The following AP1G1 variants were observed in gnomAD, a reference collection of about 807,000 sequenced individuals.
AP1G1 encodes the protein AP-1 complex subunit gamma-1.
A neutral mutation model predicts 108.3 loss-of-function variants in AP1G1; 7 were observed. The ratio of observed to expected loss-of-function variants is 0.06; its 90% CI spans 0.04 to 0.12. The LOEUF (loss-of-function observed/expected upper bound fraction) is 0.12, where lower values mean the gene tolerates loss of function less well. Ranked by LOEUF, AP1G1 falls within the 10% of genes least tolerant of loss-of-function variation. The pLI is 1.00. For missense variants in AP1G1, 756 were observed against 1,010.7 expected, an observed-to-expected ratio of 0.75 and a Z score of 3.42; for synonymous variants, 379 against 353.5, an observed-to-expected ratio of 1.07 and a Z score of -0.81.
chr16:71,738,866 C>T, intron 21 of AP1G1, 76 bp downstream of exon 21: 1 of 1,327,338 alleles, frequency 7.5e-7, no homozygotes, highest in Non-Finnish European at 1.0e-6. Context: ...AAAACATATC[C>T]TTTACCAAAC....
intron 19 of AP1G1, among the ~76,000 whole-genome samples, chr16:71,740,536 T>C (rs2045606151): frequency 6.6e-6 from 1 of 152,210 alleles, no homozygotes; most frequent in Admixed American, 6.5e-5. Flanking sequence ...TAAACTGATA[T>C]ATTGATATAC....
rs557276675 is a variant in AP1G1 at position 71,745,299 on chromosome 16, T to C, written c.1873-29A>G. Reference sequence around the variant, plus strand: ...AACAAGGTAACAACACCTCAATTCATTATTATTTGATTTGTCTAGTATACA... The same window carrying C: ...AACAAGGTAACAACACCTCAATTCACTATTATTTGATTTGTCTAGTATACA... On this transcript the variant is annotated intron_variant, in intron 18 of 22. Transcript: ENST00000299980. The C allele has an allele frequency of 1.7e-5, 27 of 1,613,342 alleles. No homozygotes were observed. In the Admixed American group the frequency reaches 3.2e-4, roughly 19 times the overall value.
chr16:71,769,056 G>A (rs1206265643), intron 6 of AP1G1, among the ~76,000 whole-genome samples: 3 of 149,974 alleles, frequency 2.0e-5, no homozygotes, highest in Admixed American at 6.6e-5. Context: ...GCTGAGGCGG[G>A]CTGATCACCT....
intron 12 of AP1G1, 198 bp downstream of exon 12, chr16:71,755,821 T>C: frequency 1.8e-6 from 1 of 546,670 alleles, no homozygotes; most frequent in South Asian, 3.0e-5. Context: ...AATTTTTGTA[T>C]TTTTAGTGGC....
rs2030768870 is a variant in AP1G1 at position 71,756,062 on chromosome 16, A to G, written c.1186T>C (p.Phe396Leu). ...LYFLDSCEPE[F>L]KADCASGIFL... is the part of the protein sequence containing the mutation. ...ATTCCAGATGCACAGTCTGCTTTAA[A>G]TTCTGGCTCACACGAATCCAGAAAA... Residue 396 changes from phenylalanine (F) to leucine (L), a missense_variant, in exon 12 of 23, where the codon TTT becomes CTT. By Grantham distance (22) the Phe-to-Leu change is conservative (BLOSUM62 0). This residue lies in a region of AP1G1 where 357 missense variants were observed against 366.5 expected (regional missense o/e 0.97). Coordinates refer to ENST00000299980, the MANE Select transcript of AP1G1 (RefSeq NM_001128.6). The G allele has an allele frequency of 1.2e-6, 2 of 1,613,276 alleles. No individual in the cohort carries two copies. The highest frequency in any genetic ancestry group is 2.7e-5 in the African/African-American group (2 of 74,944).
intron 6 of AP1G1, chr16:71,766,318 A>G (rs942077985): frequency 8.2e-6 from 3 of 364,722 alleles, no homozygotes; most frequent in South Asian, 2.2e-5. Flanking sequence ...ATGAGACTAT[A>G]CATTCCTTAT....
chr16:71,793,664 C>T (rs905726065), intron 1 of AP1G1, among the ~76,000 whole-genome samples: 20 of 152,192 alleles, frequency 1.3e-4, no homozygotes, highest in African/African-American at 4.8e-4. Flanking sequence ...TAAACAGTAC[C>T]ACAATATAGT....
rs187577181 is a variant in AP1G1, at chr16:71,779,592, C to T, written c.202-5000G>A. Among the ~76,000 whole-genome samples, 94 of 152,138 alleles carry T rather than the reference C, an allele frequency of 6.2e-4. 1 individual carries two copies. Among genetic ancestry groups the T allele is most frequent in the Non-Finnish European group, 1.2e-3 (79 of 68,002 alleles). On this transcript the variant is annotated intron_variant, in intron 2 of 22. Coordinates refer to ENST00000299980, the MANE Select transcript of AP1G1 (RefSeq NM_001128.6). ...CTGGCTTCAAGTGATCTGCCCACCTCGCCTCCCAAAGCACTGGTATTACAG... is the reference window on the plus strand; with the variant it reads ...CTGGCTTCAAGTGATCTGCCCACCTTGCCTCCCAAAGCACTGGTATTACAG...
chr16:71,805,995 AAC>A (rs2032984975), intron 1 of AP1G1, among the ~76,000 whole-genome samples: 1 of 151,580 alleles, frequency 6.6e-6, no homozygotes, highest in Admixed American at 6.6e-5. Context: ...CAGCCTGGGC[AAC>A]AGAGTGAGAC....
chr16:71,802,739 AT>A (rs2032850840), intron 1 of AP1G1, among the ~76,000 whole-genome samples: 1 of 151,482 alleles, frequency 6.6e-6, no homozygotes, highest in African/African-American at 2.4e-5. Flanking sequence ...CAAAAAAAAA[AT>A]TCGTACAGCC....
intron 12 of AP1G1, 119 bp downstream of exon 12, chr16:71,755,900 T>A: frequency 8.9e-7 from 1 of 1,117,334 alleles, no homozygotes; most frequent in Non-Finnish European, 1.3e-6. Flanking sequence ...TGCCTTGGCC[T>A]CCCAAACTGC....
chr16:71,739,746 C>CAAAA (rs751174235), intron 19 of AP1G1, among the ~76,000 whole-genome samples: 1 of 51,882 alleles, frequency 1.9e-5, no homozygotes, highest in Non-Finnish European at 4.0e-5. Context: ...GACTCTGTCG[C>CAAAA]AAAAAAAAAA....
In AP1G1 at chr16:71,733,055, C is replaced by A; in HGVS notation, c.*3G>T. 2 of 1,609,096 alleles carry A rather than the reference C, an allele frequency of 1.2e-6. No individual in the cohort carries two copies. Among genetic ancestry groups the A allele is most frequent in the South Asian group, 2.2e-5 (2 of 90,842 alleles). ...GATAAAGAATGAGAATGGTGCCAAA[C>A]CCTCATTGCCAGGACTGAGGGGGAA... On this transcript the variant is annotated 3_prime_UTR_variant, in exon 23 of 23. Coordinates refer to ENST00000299980, the MANE Select transcript of AP1G1 (RefSeq NM_001128.6).
chr16:71,781,791 T>A (rs989699439), intron 2 of AP1G1, among the ~76,000 whole-genome samples: 2 of 152,238 alleles, frequency 1.3e-5, no homozygotes, highest in African/African-American at 2.4e-5. Context: ...CTGAAATGAA[T>A]ACTCTTATAC....
At chr16:71,736,550 TATTATTTA>T (rs1289947580) in intron 21 of AP1G1, among the ~76,000 whole-genome samples, 1 of 121,958 alleles carries the variant, frequency 8.2e-6, no homozygotes, top group Non-Finnish European at 1.7e-5. Context: ...CCGGCTAATT[TATTATTTA>T]TTTATTTATT....
intron 1 of AP1G1, among the ~76,000 whole-genome samples, chr16:71,804,847 T>C (rs1476953569): frequency 6.6e-6 from 1 of 151,728 alleles, no homozygotes; most frequent in Non-Finnish European, 1.5e-5. Context: ...CGAATCCCCG[T>C]CTCCACAAAA....
In AP1G1 at chr16:71,735,114, A is replaced by G. The variant is rs561675364; in HGVS notation, c.2269-407T>C. On this transcript the variant is annotated intron_variant, in intron 21 of 22. Transcript: ENST00000299980. Reference sequence around the variant, plus strand: ...AAATGAAAAGAAAAGCTTCCCAAAAATAGCAAACCAACATACTGGTCACCA... The same window carrying G: ...AAATGAAAAGAAAAGCTTCCCAAAAGTAGCAAACCAACATACTGGTCACCA... Among the ~76,000 whole-genome samples, 1,421 of 152,354 alleles carry G rather than the reference A, an allele frequency of 9.3e-3. 11 individuals carry two copies. The highest frequency in any genetic ancestry group is 0.013 in the Non-Finnish European group (877 of 68,024).
intron 7 of AP1G1, among the ~76,000 whole-genome samples, chr16:71,764,959 T>C (rs1165735905): frequency 6.6e-6 from 1 of 152,240 alleles, no homozygotes; most frequent in Non-Finnish European, 1.5e-5. Flanking sequence ...CACACTTCAG[T>C]ACTCCACAGC....
At chr16:71,806,014 T>G (rs1309368053) in intron 1 of AP1G1, among the ~76,000 whole-genome samples, 3 of 141,576 alleles carry the variant, frequency 2.1e-5, no homozygotes, top group Non-Finnish European at 4.5e-5. Flanking sequence ...AGACCCTGTC[T>G]CAAACAATAA....
Sources: gnomAD v4.1 joint callset for allele counts (sites outside exome capture counted in the v4.1 genomes callset) on GRCh38, gnomAD v4.1.1 for gene constraint, gnomAD v4.1.1 regional missense constraint, MANE v1.5 for transcripts, NCBI Gene and HGNC (gene_info 2026-07-23, HGNC 2026-07-21) for gene names.